Variants in EIF2AK3 observed in about 807,000 individuals in gnomAD.
EIF2AK3 encodes eukaryotic translation initiation factor 2 alpha kinase 3.
Under a neutral mutation model 113.5 loss-of-function variants are expected in EIF2AK3, and 50 were observed. That is an observed-to-expected ratio of 0.44 (90% CI 0.35 to 0.56). The LOEUF is 0.56. Among genes scored for constraint, EIF2AK3 ranks in the 20% least tolerant of loss-of-function variants. EIF2AK3 has a pLI of 0.00. For synonymous variants in EIF2AK3, 448 were observed against 495.4 expected (o/e 0.90, Z 1.27); for missense variants, 1,185 against 1,378.0 (o/e 0.86, Z 2.22).
chr2:88,596,692 G>C (rs947886074), intron 2 of EIF2AK3, among the ~76,000 whole-genome samples: 1 of 152,184 alleles, frequency 6.6e-6, no homozygotes, highest in Non-Finnish European at 1.5e-5. Flanking sequence ...AACAGGCTGA[G>C]AGGCAAGAGT....
intron 16 of EIF2AK3, among the ~76,000 whole-genome samples, chr2:88,558,529 A>G (rs1034881393): frequency 6.6e-6 from 1 of 152,208 alleles, no homozygotes; most frequent in Non-Finnish European, 1.5e-5. Context: ...ACTTAAGTAT[A>G]TGTAGGTATT....
chr2:88,570,765 T>G, intron 14 of EIF2AK3, 109 bp downstream of exon 14: 2 of 1,416,986 alleles, frequency 1.4e-6, no homozygotes, highest in Non-Finnish European at 1.0e-6. Context: ...TTTCATAATT[T>G]TCAGACTTAC....
Position 88,613,842 on chromosome 2 carries a change from A to G in EIF2AK3, c.320T>C (p.Ile107Thr). 1 of 1,612,624 alleles carries G rather than the reference A, an allele frequency of 6.2e-7. No homozygotes were observed. Among genetic ancestry groups the G allele is most frequent in the Non-Finnish European group, 8.5e-7 (1 of 1,178,596 alleles). The change falls in exon 2 of 17, where the codon ATT (isoleucine) becomes ACT (threonine). Residue 107 changes from isoleucine to threonine, a missense_variant. This residue lies in a region of EIF2AK3 where 189 missense variants were observed against 175.2 expected (regional missense o/e 1.08). Coordinates refer to ENST00000303236, the MANE Select transcript of EIF2AK3 (RefSeq NM_004836.7). ...AATTCTCCCATCTAAAGTGCTGATA[A>G]TTACTAATGACCTGTAAATATTAAA... ...ELRPRGRSLV[I>T]ISTLDGRIAA... is the part of the protein sequence containing the mutation.
At chr2:88,559,850 T>C (rs948007112) in intron 15 of EIF2AK3, among the ~76,000 whole-genome samples, 4 of 152,206 alleles carry the variant, frequency 2.6e-5, no homozygotes, top group African/African-American at 4.8e-5. Flanking sequence ...TGTTTTTCCA[T>C]TCATCAGCTG....
intron 2 of EIF2AK3, 111 bp from the exon 3 acceptor site, chr2:88,595,774 A>G: frequency 9.2e-7 from 1 of 1,087,974 alleles, no homozygotes; most frequent in South Asian, 1.3e-5. Flanking sequence ...ATAGTAATTA[A>G]GAGCTGGAGT....
In EIF2AK3 at chr2:88,576,560, T is replaced by C. The variant is rs769523936; in HGVS notation, c.2030A>G (p.Asp677Gly). The stretch of plus-strand genomic sequence containing the variant: ...GTGTAACAAAGTTAGTTACCTTTCA[T>C]CTTTCAGCCAAATTTCATCCATCTT... Reference protein sequence around the residue: ...QEKMDEIWLKDESTDWPLSSP... With the variant: ...QEKMDEIWLKGESTDWPLSSP... The change falls in exon 12 of 17, where the codon GAT (aspartate) becomes GGT (glycine). Residue 677 changes from aspartate (D) to glycine (G), a missense_variant. Physicochemically the swap from Asp to Gly is moderately conservative, Grantham distance 94. Coordinates refer to ENST00000303236, the MANE Select transcript of EIF2AK3 (RefSeq NM_004836.7). 2.5e-6 allele frequency: 4 copies of C among 1,614,132 alleles called. No individual in the cohort carries two copies. In the East Asian group the frequency reaches 8.9e-5, roughly 36 times the overall value.
chr2:88,574,164 AG>A (rs955743092), intron 13 of EIF2AK3, among the ~76,000 whole-genome samples: 2 of 152,280 alleles, frequency 1.3e-5, no homozygotes, highest in Non-Finnish European at 2.9e-5. Context: ...TAAACAGTTC[AG>A]AAAAAGAAGC....
At chr2:88,589,602 G>T (rs1216906654) in intron 6 of EIF2AK3, among the ~76,000 whole-genome samples, 1 of 150,400 alleles carries the variant, frequency 6.6e-6, no homozygotes, top group African/African-American at 2.4e-5. Context: ...AGACTTTGAG[G>T]ATATATACCT....
chr2:88,624,325 T>C (rs529508088), intron 1 of EIF2AK3, among the ~76,000 whole-genome samples: 1 of 152,292 alleles, frequency 6.6e-6, no homozygotes, highest in Admixed American at 6.5e-5. Flanking sequence ...ACAGGCTCCC[T>C]CTTTTCAGTA....
intron 4 of EIF2AK3, among the ~76,000 whole-genome samples, chr2:88,591,421 A>C (rs1674886822): frequency 6.6e-6 from 1 of 152,222 alleles, no homozygotes; most frequent in Non-Finnish European, 1.5e-5. Context: ...TTACCTCTTA[A>C]TTAAAGGCAG....
rs1215261566 is a variant in EIF2AK3, at chr2:88,557,432, A to G, written c.*304T>C. On this transcript the variant is annotated 3_prime_UTR_variant, in exon 17 of 17. Transcript: ENST00000303236. ...ATCCATTTTAGTTCTCACTATATAT[A>G]TATATTAGGGATTGCTGCTACCTCC... is the stretch of plus-strand genomic sequence containing the variant. The G allele has an allele frequency of 4.9e-6, 2 of 404,280 alleles. No individual in the cohort carries two copies. The highest frequency in any genetic ancestry group is 2.5e-5 in the South Asian group (1 of 40,760). 25.0% of individuals were successfully genotyped at this position (404,280 alleles called of 1,614,324 possible).
intron 1 of EIF2AK3, among the ~76,000 whole-genome samples, chr2:88,623,213 C>A (rs1675775012): frequency 6.6e-6 from 1 of 152,166 alleles, no homozygotes; most frequent in Admixed American, 6.5e-5. Flanking sequence ...CACAAAATTA[C>A]ATAAACATAT....
rs78676531 is a variant in EIF2AK3, at chr2:88,587,812, G to A, written c.1429+170C>T. On this transcript the variant is annotated intron_variant, in intron 8 of 16. Coordinates refer to ENST00000303236, the MANE Select transcript of EIF2AK3 (RefSeq NM_004836.7). ...CCCAACCTAGCATGTGGCAAAAATG[G>A]GATCTGAACCCTGGCAACCTAACTT... 1.7e-4 allele frequency among the ~76,000 whole-genome samples: 26 copies of A among 152,156 alleles called. No homozygotes were observed. The East Asian group carries it at 5.0e-3, about 29-fold the overall frequency.
chr2:88,568,335 C>T (rs888678396), intron 14 of EIF2AK3, among the ~76,000 whole-genome samples: 1 of 152,164 alleles, frequency 6.6e-6, no homozygotes, highest in Non-Finnish European at 1.5e-5. Context: ...TAATTTTTCA[C>T]TGTGTTGACA....
chr2:88,616,267 C>T (rs907235697), intron 1 of EIF2AK3, among the ~76,000 whole-genome samples: 4 of 152,160 alleles, frequency 2.6e-5, no homozygotes, highest in Admixed American at 6.5e-5. Flanking sequence ...GACTGTCTAA[C>T]AGGCTTTTCA....
chr2:88,574,328 C>G (rs1674393471), intron 13 of EIF2AK3, among the ~76,000 whole-genome samples: 1 of 152,078 alleles, frequency 6.6e-6, no homozygotes, highest in South Asian at 2.1e-4. Flanking sequence ...AACAAACAAA[C>G]AAACAAAAAA....
chr2:88,619,645 T>C (rs544177084), intron 1 of EIF2AK3, among the ~76,000 whole-genome samples: 1 of 152,214 alleles, frequency 6.6e-6, no homozygotes, highest in Non-Finnish European at 1.5e-5. Flanking sequence ...TTAATTCTAT[T>C]TCTGAAGCTT....
In EIF2AK3 at chr2:88,575,005, T is replaced by G; in HGVS notation, c.2478A>C (p.Arg826=). 6.2e-7 allele frequency: 1 copy of G among 1,614,148 alleles called. No homozygotes were observed. The highest frequency in any genetic ancestry group is 8.5e-7 in the Non-Finnish European group (1 of 1,180,026). ...ASSKEEPKTN[R]LHIGNHCANK... ...TAGCACAATGGTTGCCAATATGCAATCGATTAGTTTTCGGCTCTTCTTTAC... is the reference window on the plus strand; with the variant it reads ...TAGCACAATGGTTGCCAATATGCAAGCGATTAGTTTTCGGCTCTTCTTTAC... Residue 826 remains arginine (R), a synonymous_variant, in exon 13 of 17, where the codon CGA becomes CGC. Coordinates refer to ENST00000303236, the MANE Select transcript of EIF2AK3 (RefSeq NM_004836.7).
chr2:88,596,950 G>A (rs774960974), intron 2 of EIF2AK3, among the ~76,000 whole-genome samples: 8 of 152,104 alleles, frequency 5.3e-5, no homozygotes, highest in African/African-American at 1.9e-4. Context: ...TTTAAAAAAC[G>A]CATAATTTGA....
Sources: allele counts gnomAD v4.1 joint callset (sites outside exome capture counted in the v4.1 genomes callset), GRCh38; gene constraint gnomAD v4.1.1; regional missense constraint gnomAD v4.1.1; transcripts MANE v1.5; gene names NCBI Gene and HGNC (gene_info 2026-07-23, HGNC 2026-07-21).